The following MAGI1 variants were observed in gnomAD, a reference collection of about 807,000 sequenced individuals.
MAGI1 encodes the protein membrane-associated guanylate kinase, WW and PDZ domain-containing protein 1.
MAGI1 carries 58 observed loss-of-function variants against 139.9 expected under a neutral mutation model. That is an observed-to-expected ratio of 0.41 (90% CI 0.34 to 0.52). The LOEUF (loss-of-function observed/expected upper bound fraction) is 0.52, where lower values mean the gene tolerates loss of function less well. Ranked by LOEUF, MAGI1 falls within the 20% of genes least tolerant of loss-of-function variation. MAGI1 has a pLI of 0.12. For synonymous variants in MAGI1, 812 were observed against 737.9 expected (o/e 1.10, Z -1.63); for missense variants, 1,874 against 1,901.6 (o/e 0.99, Z 0.27).
At position 65,537,943 on chromosome 3, in the gene MAGI1, C is replaced by T. The variant is rs1329762660; in HGVS notation, c.431-44312G>A. Among the ~76,000 whole-genome samples, 9 of 152,138 alleles carry T rather than the reference C, an allele frequency of 5.9e-5. No homozygotes were observed. The South Asian group carries it at 6.2e-4, about 11-fold the overall frequency. ...GACCAGCCTGGCCAACATGGTGAAACCTCGTCTCTACTAAAAAATAAAAAA... is the reference window on the plus strand; with the variant it reads ...GACCAGCCTGGCCAACATGGTGAAATCTCGTCTCTACTAAAAAATAAAAAA... On this transcript the variant is annotated intron_variant, in intron 2 of 22. Coordinates refer to ENST00000402939, the MANE Select transcript of MAGI1 (RefSeq NM_001033057.2).
rs550723496 is a variant in MAGI1, at chr3:65,446,540, T to A, written c.1078+1482A>T. On this transcript the variant is annotated intron_variant, in intron 7 of 22. Coordinates refer to ENST00000402939, the MANE Select transcript of MAGI1 (RefSeq NM_001033057.2). ...CAAATTTCCAGAGAAGCAAATAAGGTTGTGCTCCTGTACACAGCTGTGCTA... is the reference window on the plus strand; with the variant it reads ...CAAATTTCCAGAGAAGCAAATAAGGATGTGCTCCTGTACACAGCTGTGCTA... Among the ~76,000 whole-genome samples, 11 of 152,080 alleles carry A rather than the reference T, an allele frequency of 7.2e-5. No homozygotes were observed. In the South Asian group the frequency reaches 1.9e-3, roughly 26 times the overall value.
At chr3:65,851,877 A>G (rs2108396171) in intron 1 of MAGI1, among the ~76,000 whole-genome samples, 1 of 152,352 alleles carries the variant, frequency 6.6e-6, no homozygotes, top group East Asian at 1.9e-4. Flanking sequence ...AAGTTTAATC[A>G]AAGAAGTTTT....
At chr3:65,584,155 A>T (rs1466729908) in intron 2 of MAGI1, among the ~76,000 whole-genome samples, 3 of 148,788 alleles carry the variant, frequency 2.0e-5, no homozygotes, top group Non-Finnish European at 3.0e-5. Context: ...GAAGGTTGTT[A>T]TCAAGCATTG....
chr3:65,859,894 G>GTT (rs113749701), intron 1 of MAGI1, among the ~76,000 whole-genome samples: 5 of 146,716 alleles, frequency 3.4e-5, no homozygotes, highest in African/African-American at 1.3e-4. Context: ...TTTTTTGTTT[G>GTT]TTTTTGTTTT....
chr3:65,731,114 A>C (rs532546576), intron 1 of MAGI1, among the ~76,000 whole-genome samples: 1 of 152,200 alleles, frequency 6.6e-6, no homozygotes, highest in Admixed American at 6.5e-5. Context: ...ATGTCCATTT[A>C]AAACATATAA....
At chr3:65,528,397 A>G (rs2078487103) in intron 2 of MAGI1, among the ~76,000 whole-genome samples, 1 of 152,232 alleles carries the variant, frequency 6.6e-6, no homozygotes, top group African/African-American at 2.4e-5. Context: ...AAGAGATTCA[A>G]TAGATACACC....
chr3:65,766,727 TA>T (rs1488918001), intron 1 of MAGI1, among the ~76,000 whole-genome samples: 3 of 151,936 alleles, frequency 2.0e-5, no homozygotes, highest in Non-Finnish European at 4.4e-5. Flanking sequence ...CTGTCTCTAC[TA>T]AAAATAAAAA....
intron 1 of MAGI1, among the ~76,000 whole-genome samples, chr3:65,714,108 C>T (rs999134389): frequency 4.6e-5 from 7 of 152,102 alleles, no homozygotes; most frequent in Admixed American, 1.3e-4. Flanking sequence ...ACTGGGTTGA[C>T]GTAAGGGTTA....
At chr3:65,546,213 G>C (rs1375820830) in intron 2 of MAGI1, among the ~76,000 whole-genome samples, 1 of 151,946 alleles carries the variant, frequency 6.6e-6, no homozygotes. Context: ...TCATTTACTT[G>C]TCATTCAGCA....
At chr3:65,702,594 C>G (rs1191137053) in intron 1 of MAGI1, among the ~76,000 whole-genome samples, 2 of 152,132 alleles carry the variant, frequency 1.3e-5, no homozygotes, top group Non-Finnish European at 2.9e-5. Context: ...TTTAAATGCT[C>G]TTGACTCTTC....
intron 1 of MAGI1, among the ~76,000 whole-genome samples, chr3:65,867,695 G>A (rs2059778828): frequency 1.3e-5 from 2 of 152,184 alleles, no homozygotes; most frequent in African/African-American, 4.8e-5. Context: ...CAAGGCTGCA[G>A]TGAGCCATGA....
chr3:65,559,967 T>C (rs1196102813), intron 2 of MAGI1, among the ~76,000 whole-genome samples: 1 of 152,042 alleles, frequency 6.6e-6, no homozygotes, highest in Non-Finnish European at 1.5e-5. Flanking sequence ...GCCCGGCAAG[T>C]CGTGGCTACA....
intron 2 of MAGI1, among the ~76,000 whole-genome samples, chr3:65,615,591 G>A (rs1393334839): frequency 1.3e-5 from 2 of 152,152 alleles, no homozygotes; most frequent in African/African-American, 4.8e-5. Flanking sequence ...GAGGGTTCCA[G>A]GGATGCTCCA....
intron 1 of MAGI1, among the ~76,000 whole-genome samples, chr3:65,829,319 T>A (rs1474249027): frequency 6.6e-6 from 1 of 152,076 alleles, no homozygotes; most frequent in African/African-American, 2.4e-5. Flanking sequence ...AATGTCAGTG[T>A]CCTCCCAAAA....
chr3:66,021,980 T>C (rs546167374), intron 1 of MAGI1, among the ~76,000 whole-genome samples: 1 of 152,176 alleles, frequency 6.6e-6, no homozygotes, highest in Non-Finnish European at 1.5e-5. Context: ...TGAATATAAG[T>C]GCCTGGTAAC....
chr3:65,799,387 G>A (rs2040369200), intron 1 of MAGI1, among the ~76,000 whole-genome samples: 2 of 152,166 alleles, frequency 1.3e-5, no homozygotes, highest in African/African-American at 4.8e-5. Flanking sequence ...CCTAAAATGA[G>A]TGACACTAAG....
At chr3:65,456,256 A>G (rs1161732021) in intron 5 of MAGI1, among the ~76,000 whole-genome samples, 2 of 152,138 alleles carry the variant, frequency 1.3e-5, no homozygotes, top group South Asian at 2.1e-4. Flanking sequence ...AGAGCTAACT[A>G]ATTTTTTCCC....
intron 2 of MAGI1, among the ~76,000 whole-genome samples, chr3:65,518,553 C>T (rs1387262350): frequency 6.6e-6 from 1 of 152,070 alleles, no homozygotes; most frequent in Admixed American, 6.6e-5. Flanking sequence ...ATCCTGTACC[C>T]TAAATTCCTT....
chr3:65,536,095 A>G (rs1161594092), intron 2 of MAGI1, among the ~76,000 whole-genome samples: 2 of 152,178 alleles, frequency 1.3e-5, no homozygotes, highest in Admixed American at 1.3e-4. Context: ...GGACTGTGTT[A>G]TTTACACTTA....
Sources: allele counts gnomAD v4.1 joint callset (sites outside exome capture counted in the v4.1 genomes callset), GRCh38; gene constraint gnomAD v4.1.1; transcripts MANE v1.5; gene names NCBI Gene and HGNC (gene_info 2026-07-23, HGNC 2026-07-21).